The following NPAS2 variants were observed in gnomAD, a reference collection of about 807,000 sequenced individuals.
The protein encoded by NPAS2 is neuronal PAS domain protein 2.
Under a neutral mutation model 107.5 loss-of-function variants are expected in NPAS2, and 23 were observed. The observed-to-expected ratio is 0.21, with a 90% confidence interval of 0.15 to 0.30. NPAS2 has a LOEUF of 0.30. Ranked by LOEUF, NPAS2 falls within the 10% of genes least tolerant of loss-of-function variation. The pLI is 1.00. For missense variants in NPAS2, 756 were observed against 1,043.3 expected (o/e 0.72, Z 3.79); for synonymous variants, 403 against 417.5 (o/e 0.97, Z 0.42).
chr2:100,874,853 G>A (rs1679853808), intron 1 of NPAS2, among the ~76,000 whole-genome samples: 1 of 152,196 alleles, frequency 6.6e-6, no homozygotes, highest in Non-Finnish European at 1.5e-5. Context: ...GTTTCCTCCA[G>A]GCTGTCTCCT....
intron 7 of NPAS2, among the ~76,000 whole-genome samples, chr2:100,963,259 A>G (rs1193461505): frequency 4.6e-5 from 7 of 152,236 alleles, no homozygotes; most frequent in Non-Finnish European, 8.8e-5. Flanking sequence ...GGGGGTGTCA[A>G]TGATGCCGAG....
rs2105149832 is a variant in NPAS2 at position 100,963,955 on chromosome 2, A to C, written c.599-103A>C. 3 of 713,464 alleles carry C rather than the reference A, an allele frequency of 4.2e-6. No individual in the cohort carries two copies. The East Asian group carries it at 7.4e-5, about 18-fold the overall frequency. 44.2% of individuals were successfully genotyped at this position (713,464 alleles called of 1,614,324 possible). Reference sequence around the variant, plus strand: ...AAATGAGTTAATATACTCTACATAAACCCTGGGGGCAGCGCTTGGCTTACA... The same window carrying C: ...AAATGAGTTAATATACTCTACATAACCCCTGGGGGCAGCGCTTGGCTTACA... On this transcript the variant is annotated intron_variant, in intron 7 of 20. Transcript: ENST00000335681.
In NPAS2 at chr2:100,964,080, T is replaced by C. The variant is rs1287825087; in HGVS notation, c.621T>C (p.Gly207=). Residue 207 remains glycine (G), a synonymous_variant, in exon 8 of 21, where the codon GGT becomes GGC. Transcript: ENST00000335681. The stretch of plus-strand genomic sequence containing the variant: ...CAGTGCCTAGCCCCTCCTGTAATGG[T>C]TTTGACAACACCCTTTCAAGACCTT... ...YNNVPSPSCN[G]FDNTLSRPCR... is the part of the protein sequence containing the mutation. 1 of 1,613,770 alleles carries C rather than the reference T, an allele frequency of 6.2e-7. No homozygotes were observed. The highest frequency in any genetic ancestry group is 1.7e-5 in the Admixed American group (1 of 59,990).
At chr2:100,890,287 A>G (rs1013813001) in intron 1 of NPAS2, among the ~76,000 whole-genome samples, 1 of 152,194 alleles carries the variant, frequency 6.6e-6, no homozygotes, top group Non-Finnish European at 1.5e-5. Context: ...GCGAGCTCTC[A>G]GCTGGCCTCA....
chr2:100,945,056 G>A (rs928019673), intron 5 of NPAS2, among the ~76,000 whole-genome samples: 1 of 152,214 alleles, frequency 6.6e-6, no homozygotes, highest in African/African-American at 2.4e-5. Context: ...AAAAACTAGA[G>A]AGAATGGGCT....
At chr2:100,852,338 A>T (rs965690360) in intron 1 of NPAS2, among the ~76,000 whole-genome samples, 4 of 152,176 alleles carry the variant, frequency 2.6e-5, no homozygotes, top group Non-Finnish European at 4.4e-5. Context: ...CAGAGCTTGC[A>T]GTGAGCTGAG....
At chr2:100,857,987 T>G (rs1284700105) in intron 1 of NPAS2, among the ~76,000 whole-genome samples, 1 of 152,236 alleles carries the variant, frequency 6.6e-6, no homozygotes, top group African/African-American at 2.4e-5. Flanking sequence ...AAACATCCTT[T>G]AGGAATCTGG....
At chr2:100,843,115 A>T (rs1241536185) in intron 1 of NPAS2, among the ~76,000 whole-genome samples, 1 of 151,726 alleles carries the variant, frequency 6.6e-6, no homozygotes, top group Non-Finnish European at 1.5e-5. Flanking sequence ...GCTACTCGGG[A>T]GGCTGAGGCA....
rs1042743041 is a variant in NPAS2 at position 100,965,038 on chromosome 2, C to G, written c.800+95C>G. Reference sequence around the variant, plus strand: ...TTGGGAGAGAAGAGTCGGCCCTGGTCCATTGAAAGAGGAGGACTCTCTGGC... The same window carrying G: ...TTGGGAGAGAAGAGTCGGCCCTGGTGCATTGAAAGAGGAGGACTCTCTGGC... On this transcript the variant is annotated intron_variant, in intron 9 of 20. Coordinates refer to ENST00000335681, the MANE Select transcript of NPAS2 (RefSeq NM_002518.4). The surrounding 1 kb of genome is among the most constrained non-coding windows in gnomAD (Gnocchi z 4.3). 3 of 794,916 alleles carry G rather than the reference C, an allele frequency of 3.8e-6. No homozygotes were observed. Among genetic ancestry groups the G allele is most frequent in the Non-Finnish European group, 5.9e-6 (3 of 511,384 alleles). The allele number at this position is 794,916 out of a possible 1,614,324, so 49.2% of individuals were successfully genotyped here. A position where few individuals can be genotyped will look rare whatever the true frequency, so the allele number is the denominator to read the frequency against.
At chr2:100,984,868 T>A (rs1013417920) in intron 16 of NPAS2, 1 of 120,524 alleles carries the variant, frequency 8.3e-6, no homozygotes, top group African/African-American at 4.0e-5. Flanking sequence ...TGCTTACTAT[T>A]TTTTTTTTTC....
chr2:100,920,066 T>C (rs1324284110), intron 2 of NPAS2, among the ~76,000 whole-genome samples: 1 of 152,118 alleles, frequency 6.6e-6, no homozygotes, highest in African/African-American at 2.4e-5. Context: ...AATCAGAGAA[T>C]ATAGAACAAA....
chr2:100,870,017 G>T (rs1457231002), intron 1 of NPAS2, among the ~76,000 whole-genome samples: 1 of 148,146 alleles, frequency 6.8e-6, no homozygotes, highest in Non-Finnish European at 1.5e-5. Context: ...CCATTCTCCT[G>T]CCTCAGCCTT....
chr2:100,913,111 T>A (rs183464531), intron 2 of NPAS2, among the ~76,000 whole-genome samples: 30 of 152,126 alleles, frequency 2.0e-4, no homozygotes, highest in Non-Finnish European at 3.7e-4. Context: ...CCGGTGGGAA[T>A]TGGGAACATG....
At chr2:100,881,740 T>C (rs1255273623) in intron 1 of NPAS2, among the ~76,000 whole-genome samples, 1 of 151,984 alleles carries the variant, frequency 6.6e-6, no homozygotes, top group African/African-American at 2.4e-5. Flanking sequence ...TTCGAGGTGC[T>C]TTTCCTCATT....
intron 5 of NPAS2, among the ~76,000 whole-genome samples, chr2:100,943,585 CCACAGGGGGCT>C: frequency 6.6e-6 from 1 of 152,228 alleles, no homozygotes; most frequent in East Asian, 1.9e-4. Context: ...CCACACAGGG[CCACAGGGGGCT>C]GCACGTGGGA....
chr2:100,881,598 A>T (rs1680343265), intron 1 of NPAS2, among the ~76,000 whole-genome samples: 1 of 152,120 alleles, frequency 6.6e-6, no homozygotes, highest in Non-Finnish European at 1.5e-5. Flanking sequence ...AGGCAGGAGA[A>T]TCACTTGAAC....
chr2:100,884,067 C>CG (rs1019135677), intron 1 of NPAS2, among the ~76,000 whole-genome samples: 12 of 152,258 alleles, frequency 7.9e-5, no homozygotes, highest in African/African-American at 2.9e-4. Context: ...CCTCCAAAAC[C>CG]GGGGGCAGGT....
chr2:100,904,621 G>C lies in NPAS2; in HGVS notation c.-22-112G>C, dbSNP rs1004552612. The C allele has an allele frequency of 4.0e-6, 3 of 751,588 alleles. No homozygotes were observed. The African/African-American group carries it at 5.3e-5, about 13-fold the overall frequency. The allele number at this position is 751,588 out of a possible 1,614,324, so 46.6% of individuals were successfully genotyped here. On this transcript the variant is annotated intron_variant, in intron 1 of 20. Transcript: ENST00000335681. ...AAGGGGTGCCAGGACCAACAAGTTT[G>C]AGAACCACTGGGCTAAGACCAAAAT... is the stretch of plus-strand genomic sequence containing the variant.
Position 100,879,715 on chromosome 2 carries a change from T to G in NPAS2, c.-22-25018T>G, listed in dbSNP as rs1212920967. On this transcript the variant is annotated intron_variant, in intron 1 of 20. Coordinates refer to ENST00000335681, the MANE Select transcript of NPAS2 (RefSeq NM_002518.4). The stretch of plus-strand genomic sequence containing the variant: ...GACAGTGCTCACTGTGGCCAGGCCT[T>G]TCTTAATATCGTGCTTCACACTGGA... Among the ~76,000 whole-genome samples, 4 of 152,234 alleles carry G rather than the reference T, an allele frequency of 2.6e-5. 1 individual carries two copies. Among genetic ancestry groups the G allele is most frequent in the Admixed American group, 2.0e-4 (3 of 15,286 alleles).
Sources: allele counts gnomAD v4.1 joint callset (sites outside exome capture counted in the v4.1 genomes callset), GRCh38; gene constraint gnomAD v4.1.1; non-coding constraint Gnocchi (gnomAD v3.1); transcripts MANE v1.5; gene names NCBI Gene and HGNC (gene_info 2026-07-23, HGNC 2026-07-21).